Variants in CALCR observed in about 807,000 individuals in gnomAD.
CALCR encodes calcitonin receptor.
In CALCR, 47 loss-of-function variants were observed where a neutral mutation model predicts 59.5. That is an observed-to-expected ratio of 0.79 (90% CI 0.63 to 1.01). CALCR has a LOEUF of 1.01. CALCR is among the 50% of genes least tolerant of loss of function. CALCR has a pLI of 0.00. For synonymous variants in CALCR, 213 were observed against 211.3 expected (o/e 1.01, Z -0.07); for missense variants, 566 against 597.1 (o/e 0.95, Z 0.54).
chr7:93,438,822 CT>C lies in CALCR; in HGVS notation c.803-553del, dbSNP rs751173116. On this transcript the variant is annotated intron_variant, in intron 9 of 13. Coordinates refer to ENST00000426151, the MANE Select transcript of CALCR (RefSeq NM_001742.4). Reference sequence around the variant, plus strand: ...TACTTCAGAGAAGCCAGTACATTCCCTACCTTCTGTAGGTTCTGGCTAGAGA... The same window carrying C: ...TACTTCAGAGAAGCCAGTACATTCCCACCTTCTGTAGGTTCTGGCTAGAGA... Among the ~76,000 whole-genome samples the C allele has an allele frequency of 9.9e-5, 15 of 152,144 alleles. No individual in the cohort carries two copies. The South Asian group carries it at 2.9e-3, about 29-fold the overall frequency.
chr7:93,471,474 T>C (rs983434992), intron 6 of CALCR, among the ~76,000 whole-genome samples: 1 of 151,878 alleles, frequency 6.6e-6, no homozygotes, highest in African/African-American at 2.4e-5. Context: ...TTGTTATTTG[T>C]TTTGTTTTTA....
chr7:93,454,916 TTGTGTGTGTGTG>T (rs4015273), intron 8 of CALCR, among the ~76,000 whole-genome samples: 17 of 144,916 alleles, frequency 1.2e-4, no homozygotes, highest in South Asian at 2.2e-4. Context: ...ACAGGGCATT[TTGTGTGTGTGTG>T]TGTGTGTGTG....
At chr7:93,459,037 T>C (rs1414894714) in intron 8 of CALCR, among the ~76,000 whole-genome samples, 2 of 152,178 alleles carry the variant, frequency 1.3e-5, no homozygotes, top group African/African-American at 4.8e-5. Context: ...ACTTGGGGAC[T>C]TTTTGGGATG....
Position 93,472,458 on chromosome 7 carries a change from CT to C in CALCR, c.345del (p.Gly116ValfsTer27). ...TTTTCAGGATGTTTAAACCAAACAC[CT>C]TTTTCATCACAGTATTTTGTAACCT... ...SEKVTKYCDE[K>X]GVWFKHPENN... is the part of the protein sequence containing the mutation. On this transcript the variant is annotated frameshift_variant, in exon 6 of 14. Transcript: ENST00000426151. LOFTEE classifies it high-confidence loss of function. 1.2e-6 allele frequency: 2 copies of C among 1,607,440 alleles called. No individual in the cohort carries two copies. The highest frequency in any genetic ancestry group is 1.7e-6 in the Non-Finnish European group (2 of 1,174,930).
In CALCR at chr7:93,470,909, A is replaced by G. The variant is rs974548210; in HGVS notation, c.429+1466T>C. Among the ~76,000 whole-genome samples the G allele has an allele frequency of 6.0e-5, 9 of 149,236 alleles. No homozygotes were observed. In the East Asian group the frequency reaches 6.1e-4, roughly 10 times the overall value. On this transcript the variant is annotated intron_variant, in intron 6 of 13. Transcript: ENST00000426151. ...CATCTAGCATTAGGTATATCTCCCA[A>G]TGCTATCCCTCACCCCTCCCCCCAC...
At chr7:93,444,920 C>A (rs1021863480) in intron 8 of CALCR, among the ~76,000 whole-genome samples, 2 of 152,084 alleles carry the variant, frequency 1.3e-5, no homozygotes, top group African/African-American at 2.4e-5. Context: ...CTGTAGCAAC[C>A]TTTTCCGAAC....
At chr7:93,550,766 T>C (rs1789438028) in intron 2 of CALCR, among the ~76,000 whole-genome samples, 1 of 152,190 alleles carries the variant, frequency 6.6e-6, no homozygotes, top group Non-Finnish European at 1.5e-5. Context: ...GTCTGAATCA[T>C]CTGCATAATT....
intron 13 of CALCR, among the ~76,000 whole-genome samples, chr7:93,433,346 C>A (rs1431482193): frequency 1.3e-5 from 2 of 152,078 alleles, no homozygotes; most frequent in African/African-American, 4.8e-5. Flanking sequence ...TTAAAATGTT[C>A]AAAAATGCTT....
chr7:93,552,497 T>G (rs1339196645), intron 2 of CALCR, among the ~76,000 whole-genome samples: 1 of 152,128 alleles, frequency 6.6e-6, no homozygotes, highest in Non-Finnish European at 1.5e-5. Flanking sequence ...AAAACTAAGG[T>G]TAAATACTGA....
intron 9 of CALCR, chr7:93,441,558 GA>G (rs3068357): frequency 0.5 from 208,960 of 414,364 alleles, 47,008 homozygotes; most frequent in Admixed American, 0.59. Flanking sequence ...GGCTAAAAGA[GA>G]AAAAAAAAAA....
intron 2 of CALCR, among the ~76,000 whole-genome samples, chr7:93,540,944 A>T (rs1004888865): frequency 1.3e-5 from 2 of 151,936 alleles, no homozygotes; most frequent in African/African-American, 4.8e-5. Flanking sequence ...GTTCAATATT[A>T]ATAGCAAAAA....
Position 93,472,418 on chromosome 7 carries a change from G to C in CALCR, c.386C>G (p.Ser129Cys). The C allele has an allele frequency of 6.2e-7, 1 of 1,610,348 alleles. No homozygotes were observed. Among genetic ancestry groups the C allele is most frequent in the Non-Finnish European group, 8.5e-7 (1 of 1,177,492 alleles). The change falls in exon 6 of 14, where the codon TCC becomes TGC. Residue 129 changes from serine to cysteine, a missense_variant. By Grantham distance (112) the Ser-to-Cys change is moderately radical. Transcript: ENST00000426151. ...FKHPENNRTW[S>C]NYTMCNAFTP... ...GAAAGCATTGCACATAGTATAGTTGGACCAGGTTCGATTGTTTTCAGGATG... is the reference window on the plus strand; with the variant it reads ...GAAAGCATTGCACATAGTATAGTTGCACCAGGTTCGATTGTTTTCAGGATG...
intron 2 of CALCR, among the ~76,000 whole-genome samples, chr7:93,564,303 T>G (rs1490803712): frequency 6.6e-6 from 1 of 152,100 alleles, no homozygotes; most frequent in Non-Finnish European, 1.5e-5. Flanking sequence ...GTTGGAGTGG[T>G]CCAAGTGATA....
chr7:93,531,711 C>A (rs1171268093), intron 2 of CALCR, among the ~76,000 whole-genome samples: 1 of 151,966 alleles, frequency 6.6e-6, no homozygotes, highest in Non-Finnish European at 1.5e-5. Context: ...GTCAACAATG[C>A]CAACTGTGAA....
intron 2 of CALCR, among the ~76,000 whole-genome samples, chr7:93,568,586 C>CT (rs574143464): frequency 4.7e-4 from 67 of 143,312 alleles, no homozygotes; most frequent in African/African-American, 1.7e-3. Flanking sequence ...TCATCTCTGT[C>CT]TTTTTTTTGC....
intron 2 of CALCR, chr7:93,496,030 T>C: frequency 1.0e-6 from 1 of 959,614 alleles, no homozygotes; most frequent in South Asian, 1.7e-5. Flanking sequence ...GAACAGAATG[T>C]CTTCATGTAA....
chr7:93,490,926 C>A (rs978096220), intron 2 of CALCR, among the ~76,000 whole-genome samples: 2 of 150,336 alleles, frequency 1.3e-5, no homozygotes, highest in African/African-American at 2.4e-5. Context: ...CGTATGGGAT[C>A]AAAAAAAAAC....
rs546932316 is a variant in CALCR, at chr7:93,550,640, C to CACACACACAT, written c.-27+23648_-27+23649insATGTGTGTGT. ...ACACACACACACACACACACACACA[C>CACACACACAT]GAGAGACAGAGTTTTGTAACAATTG... On this transcript the variant is annotated intron_variant, in intron 2 of 13. Transcript: ENST00000426151. Among the ~76,000 whole-genome samples, 1,292 of 146,844 alleles carry CACACACACAT rather than the reference C, an allele frequency of 8.8e-3. 8 individuals carry two copies. Among genetic ancestry groups the CACACACACAT allele is most frequent in the East Asian group, 0.014 (69 of 4,888 alleles).
rs75343103 is a variant in CALCR, at chr7:93,424,552, C to A, written c.*1804G>T. 6.6e-6 allele frequency: 1 copy of A among 152,510 alleles called. No homozygotes were observed. Among genetic ancestry groups the A allele is most frequent in the Non-Finnish European group, 1.5e-5 (1 of 67,976 alleles). 9.4% of individuals were successfully genotyped at this position (152,510 alleles called of 1,614,324 possible). ...CAAATATACATCTTTTTGCTTTTAA[C>A]GTACTCTGTATTAATTTATACATAT... On this transcript the variant is annotated 3_prime_UTR_variant, in exon 14 of 14. Transcript: ENST00000426151.
Sources: allele counts gnomAD v4.1 joint callset (sites outside exome capture counted in the v4.1 genomes callset), GRCh38; gene constraint gnomAD v4.1.1; transcripts MANE v1.5; gene names NCBI Gene and HGNC (gene_info 2026-07-23, HGNC 2026-07-21).